The following PRICKLE2 variants were observed in gnomAD, a reference collection of about 807,000 sequenced individuals.
The protein encoded by PRICKLE2 is prickle planar cell polarity protein 2, also known as prickle-like protein 2.
In PRICKLE2, 21 loss-of-function variants were observed where a neutral mutation model predicts 81.4. The observed-to-expected ratio is 0.26, with a 90% CI of 0.18 to 0.37. The LOEUF is 0.37. Among genes scored for constraint, PRICKLE2 ranks in the 10% least tolerant of loss-of-function variants. The pLI is 1.00. For missense variants in PRICKLE2, 940 were observed against 1,109.0 expected, an observed-to-expected ratio of 0.85 and a Z score of 2.16; for synonymous variants, 456 against 421.5, an observed-to-expected ratio of 1.08 and a Z score of -1.00.
chr3:64,113,227 G>A (rs1438793892), intron 7 of PRICKLE2, among the ~76,000 whole-genome samples: 1 of 152,208 alleles, frequency 6.6e-6, no homozygotes, highest in Non-Finnish European at 1.5e-5. Context: ...TGTCTGCAGT[G>A]CAGCACGGGC....
chr3:64,226,087 A>G (rs2079028159), upstream of PRICKLE2, among the ~76,000 whole-genome samples: 1 of 152,288 alleles, frequency 6.6e-6, no homozygotes, highest in East Asian at 1.9e-4. Flanking sequence ...AGAAGAAGAC[A>G]AAGCATAAAC....
In PRICKLE2 at chr3:64,120,404, G is replaced by A. The variant is rs544497033; in HGVS notation, c.1661-20479C>T. ...CTGGAAAGACAGCAGATGGACCTTC[G>A]TTTGGCAGATAAGGAACTGAAAACA... On this transcript the variant is annotated intron_variant, in intron 7 of 7. Coordinates refer to ENST00000638394, the MANE Select transcript of PRICKLE2 (RefSeq NM_198859.4). 1.8e-4 allele frequency among the ~76,000 whole-genome samples: 27 copies of A among 152,166 alleles called. No individual in the cohort carries two copies. In the South Asian group the frequency reaches 3.7e-3, roughly 21 times the overall value.
chr3:64,136,304 A>G (rs917537557), intron 7 of PRICKLE2, among the ~76,000 whole-genome samples: 19 of 151,766 alleles, frequency 1.3e-4, no homozygotes, highest in Admixed American at 6.6e-5. Flanking sequence ...TAAGACGAAG[A>G]GTCTGGGTTT....
chr3:64,190,916 C>T (rs1364672803), intron 2 of PRICKLE2, among the ~76,000 whole-genome samples: 1 of 152,146 alleles, frequency 6.6e-6, no homozygotes, highest in Non-Finnish European at 1.5e-5. Context: ...TCTCAGGCAC[C>T]AAGGAAGGTG....
intron 4 of PRICKLE2, among the ~76,000 whole-genome samples, 186 bp downstream of exon 4, chr3:64,159,754 A>G (rs1415889328): frequency 1.3e-5 from 2 of 152,212 alleles, no homozygotes; most frequent in South Asian, 2.1e-4. Flanking sequence ...TGTTGATTAC[A>G]TATATTGTCT....
rs1559539086 is a variant in PRICKLE2, at chr3:64,147,301, G to A, written c.1189C>T (p.Arg397Trp). Residue 397 changes from arginine (R) to tryptophan (W), a missense_variant, in exon 7 of 8, where the codon CGG (arginine) becomes TGG (tryptophan). Arg to Trp is a moderately radical substitution (Grantham distance 101, BLOSUM62 -3). Transcript: ENST00000638394. This position sits in a 1 kb window ranked among gnomAD's most constrained non-coding sequence, Gnocchi z 5.0. Reference sequence around the variant, plus strand: ...TTCCCATAATGGTAGGGCTCTTCCCGGCTCCTCCAGATGGGGTCCCGGTTG... The same window carrying A: ...TTCCCATAATGGTAGGGCTCTTCCCAGCTCCTCCAGATGGGGTCCCGGTTG... ...SLNRDPIWRS[R>W]EEPYHYGNKM... 9 of 1,613,600 alleles carry A rather than the reference G, an allele frequency of 5.6e-6. No homozygotes were observed. The highest frequency in any genetic ancestry group is 1.1e-5 in the South Asian group (1 of 91,078).
rs138584312 is a variant in PRICKLE2, at chr3:64,213,777, C to A, written c.-41+11133G>T. Among the ~76,000 whole-genome samples, 241 of 152,248 alleles carry A rather than the reference C, an allele frequency of 1.6e-3. 1 individual carries two copies. The highest frequency in any genetic ancestry group is 5.7e-3 in the African/African-American group (237 of 41,536). On this transcript the variant is annotated intron_variant, in intron 1 of 7. Coordinates refer to ENST00000638394, the MANE Select transcript of PRICKLE2 (RefSeq NM_198859.4). ...CACGCTTTTCTTATTAATCCTCAAA[C>A]CACACTATGAGAAGAAAATTATTGT... is the stretch of plus-strand genomic sequence containing the variant.
rs112362252 is a variant in PRICKLE2 at position 64,249,444 on chromosome 3, A to G, written c.129-50477T>C. Among the ~76,000 whole-genome samples, 729 of 152,280 alleles carry G rather than the reference A, an allele frequency of 4.8e-3. 2 individuals carry two copies. Among genetic ancestry groups the G allele is most frequent in the Non-Finnish European group, 8.4e-3 (570 of 68,004 alleles). ...CAGAGCCAAACCATATCACAATCCA[A>G]TGTGGGTGATAGCTGCTACAGTAAC... On this transcript the variant is annotated intron_variant, in intron 2 of 8. Coordinates refer to the PRICKLE2 transcript ENST00000295902.
At chr3:64,131,055 C>T (rs1245324436) in intron 7 of PRICKLE2, among the ~76,000 whole-genome samples, 1 of 152,172 alleles carries the variant, frequency 6.6e-6, no homozygotes, top group Non-Finnish European at 1.5e-5. Flanking sequence ...TCCATGTTAA[C>T]CAGAGCAAAG....
chr3:64,216,034 A>G lies in PRICKLE2; in HGVS notation c.-41+8876T>C, dbSNP rs767836929. Among the ~76,000 whole-genome samples, 58 of 152,264 alleles carry G rather than the reference A, an allele frequency of 3.8e-4. 1 individual carries two copies. The highest frequency in any genetic ancestry group is 1.3e-4 in the Non-Finnish European group (9 of 68,048). Reference sequence around the variant, plus strand: ...TCAATTTACTCATCTACAGAATGGAAGAAAATCAGGTAACTCTCTCCTTCT... The same window carrying G: ...TCAATTTACTCATCTACAGAATGGAGGAAAATCAGGTAACTCTCTCCTTCT... On this transcript the variant is annotated intron_variant, in intron 1 of 7. Transcript: ENST00000638394.
intron 7 of PRICKLE2, among the ~76,000 whole-genome samples, chr3:64,118,463 T>C (rs2076973948): frequency 6.6e-6 from 1 of 152,108 alleles, no homozygotes; most frequent in South Asian, 2.1e-4. Context: ...AAAGGTCTAA[T>C]ATCCAACATC....
chr3:64,114,868 A>G (rs1449861941), intron 7 of PRICKLE2, among the ~76,000 whole-genome samples: 1 of 151,930 alleles, frequency 6.6e-6, no homozygotes, highest in Non-Finnish European at 1.5e-5. Context: ...GATACTTCAA[A>G]AGAAGATTAT....
chr3:64,228,741 T>G (rs776745962), upstream of PRICKLE2, among the ~76,000 whole-genome samples: 4 of 152,144 alleles, frequency 2.6e-5, no homozygotes, highest in Non-Finnish European at 5.9e-5. Context: ...ACCAAATGTT[T>G]ATTAGGGATT....
At chr3:64,125,027 G>C (rs1248945033) in intron 7 of PRICKLE2, among the ~76,000 whole-genome samples, 2 of 152,170 alleles carry the variant, frequency 1.3e-5, no homozygotes, top group Non-Finnish European at 2.9e-5. Context: ...ATGCCATTAA[G>C]AACACTCGTG....
chr3:64,159,437 C>G (rs2077695099), intron 4 of PRICKLE2, among the ~76,000 whole-genome samples: 1 of 152,224 alleles, frequency 6.6e-6, no homozygotes, highest in Admixed American at 6.5e-5. Flanking sequence ...CTTCCAATGG[C>G]TCACCCAGAA....
chr3:64,128,176 G>C (rs1393789414), intron 7 of PRICKLE2, among the ~76,000 whole-genome samples: 1 of 152,168 alleles, frequency 6.6e-6, no homozygotes, highest in African/African-American at 2.4e-5. Flanking sequence ...GGCTGGCCTG[G>C]TCTAAGAGTG....
intron 7 of PRICKLE2, among the ~76,000 whole-genome samples, chr3:64,140,191 T>C (rs2077339160): frequency 6.6e-6 from 1 of 152,152 alleles, no homozygotes; most frequent in Non-Finnish European, 1.5e-5. Context: ...ATTTCAAAGA[T>C]GAGGATAGTG....
intron 2 of PRICKLE2, among the ~76,000 whole-genome samples, chr3:64,254,285 T>C (rs1209088127): frequency 6.6e-6 from 1 of 152,170 alleles, no homozygotes; most frequent in Non-Finnish European, 1.5e-5. Context: ...CAGGTTTAGA[T>C]AAATTGAAGT....
intron 2 of PRICKLE2, 159 bp from the exon 3 acceptor site, chr3:64,163,288 G>A (rs1172143422): frequency 1.5e-5 from 10 of 680,452 alleles, no homozygotes; most frequent in Non-Finnish European, 5.4e-6. Context: ...ATGGTAAGCA[G>A]AGAAATTCAT....
Sources: allele counts gnomAD v4.1 joint callset (sites outside exome capture counted in the v4.1 genomes callset), GRCh38; gene constraint gnomAD v4.1.1; non-coding constraint Gnocchi (gnomAD v3.1); transcripts MANE v1.5; gene names NCBI Gene and HGNC (gene_info 2026-07-23, HGNC 2026-07-21).